Variants in ARID5B observed in about 807,000 individuals in gnomAD.
ARID5B encodes AT-rich interaction domain 5B, also known as AT-rich interactive domain-containing protein 5B.
In ARID5B, 13 loss-of-function variants were observed where a neutral mutation model predicts 97.2. The observed-to-expected ratio is 0.13, with a 90% CI of 0.09 to 0.21. The LOEUF (loss-of-function observed/expected upper bound fraction) is 0.21, where lower values mean the gene tolerates loss of function less well. ARID5B is among the 10% of genes least tolerant of loss of function. The pLI is 1.00. For synonymous variants in ARID5B, 556 were observed against 570.3 expected, an observed-to-expected ratio of 0.97 and a Z score of 0.36; for missense variants, 1,210 against 1,465.3, an observed-to-expected ratio of 0.83 and a Z score of 2.84.
At chr10:61,941,917 A>AAT (rs1844417387) in intron 3 of ARID5B, among the ~76,000 whole-genome samples, 1 of 152,220 alleles carries the variant, frequency 6.6e-6, no homozygotes, top group Non-Finnish European at 1.5e-5. Flanking sequence ...AATGCTGAAT[A>AAT]ATACATCTGT....
chr10:62,008,061 A>AACACACACACACACAC (rs369982502), intron 4 of ARID5B, among the ~76,000 whole-genome samples: 53 of 66,604 alleles, frequency 8.0e-4, no homozygotes, highest in African/African-American at 2.5e-3. Context: ...CCCGCCCCAC[A>AACACACACACACACAC]ACACACACAC....
chr10:61,969,390 C>A (rs974621968), intron 3 of ARID5B, among the ~76,000 whole-genome samples: 1 of 152,066 alleles, frequency 6.6e-6, no homozygotes, highest in African/African-American at 2.4e-5. Context: ...GGAATTGAAC[C>A]TATAATATGC....
intron 7 of ARID5B, 52 bp from the exon 8 acceptor site, chr10:62,069,648 A>G: frequency 1.3e-6 from 2 of 1,501,392 alleles, no homozygotes; most frequent in South Asian, 1.1e-5. Flanking sequence ...GAAGCCTGGC[A>G]CTATGAATCT....
chr10:62,015,263 G>C (rs1275993460), intron 4 of ARID5B, among the ~76,000 whole-genome samples: 1 of 152,078 alleles, frequency 6.6e-6, no homozygotes, highest in Admixed American at 6.6e-5. Context: ...TTATCTCCTC[G>C]ATTTTCACAA....
intron 4 of ARID5B, among the ~76,000 whole-genome samples, chr10:62,042,369 T>C (rs1352547601): frequency 6.6e-6 from 1 of 152,122 alleles, no homozygotes; most frequent in African/African-American, 2.4e-5. Flanking sequence ...GAGAGATGAA[T>C]AGGAGAAAGG....
At chr10:62,057,923 A>T (rs1839877551) in intron 6 of ARID5B, among the ~76,000 whole-genome samples, 1 of 152,188 alleles carries the variant, frequency 6.6e-6, no homozygotes, top group Non-Finnish European at 1.5e-5. Flanking sequence ...ATTCCAAATC[A>T]AAAGAGAAGA....
intron 7 of ARID5B, among the ~76,000 whole-genome samples, chr10:62,061,802 AAAT>A (rs1488009976): frequency 1.3e-5 from 2 of 152,142 alleles, no homozygotes; most frequent in Non-Finnish European, 2.9e-5. Context: ...CCTCATCTCA[AAAT>A]AATCTTTATG....
intron 7 of ARID5B, 143 bp downstream of exon 7, chr10:62,059,438 G>C: frequency 1.6e-6 from 1 of 628,310 alleles, no homozygotes; most frequent in Non-Finnish European, 2.7e-6. Flanking sequence ...TTATTGGGCC[G>C]CTTTGGAAAC....
chr10:61,906,840 T>A (rs1843716710), intron 2 of ARID5B, among the ~76,000 whole-genome samples: 1 of 152,236 alleles, frequency 6.6e-6, no homozygotes, highest in South Asian at 2.1e-4. Context: ...TTCTAAACTC[T>A]CTGTGCCTCC....
chr10:61,951,480 C>T (rs780979514), intron 3 of ARID5B, among the ~76,000 whole-genome samples: 2 of 152,166 alleles, frequency 1.3e-5, no homozygotes, highest in Admixed American at 6.5e-5. Flanking sequence ...ATTGGCATTC[C>T]GCTTAGGATC....
At chr10:62,005,943 C>T (rs550025747) in intron 4 of ARID5B, among the ~76,000 whole-genome samples, 2 of 152,306 alleles carry the variant, frequency 1.3e-5, no homozygotes, top group South Asian at 4.1e-4. Flanking sequence ...TGTCCACATT[C>T]ATACTTTCTC....
At chr10:62,060,502 A>ATATTTATTTT (rs1283529587) in intron 7 of ARID5B, among the ~76,000 whole-genome samples, 1 of 152,200 alleles carries the variant, frequency 6.6e-6, no homozygotes, top group Non-Finnish European at 1.5e-5. Flanking sequence ...TTTACTTGAA[A>ATATTTATTTT]TATTTATTTT....
intron 7 of ARID5B, among the ~76,000 whole-genome samples, chr10:62,066,216 T>C (rs1839986890): frequency 6.6e-6 from 1 of 152,180 alleles, no homozygotes. Context: ...CTGTTCTCTC[T>C]CCTTATTGGG....
chr10:61,909,343 T>TTTTTTTTA (rs869194101), intron 2 of ARID5B, among the ~76,000 whole-genome samples: 3 of 144,300 alleles, frequency 2.1e-5, no homozygotes, highest in African/African-American at 2.7e-5. Context: ...TTTTTTTTTT[T>TTTTTTTTA]GAGACGGAGT....
chr10:61,983,685 C>T (rs1477692134), intron 3 of ARID5B, among the ~76,000 whole-genome samples: 15 of 151,572 alleles, frequency 9.9e-5, no homozygotes, highest in Admixed American at 9.9e-4. Flanking sequence ...TGAGAGAGAT[C>T]TCGGCTGCTG....
intron 7 of ARID5B, among the ~76,000 whole-genome samples, chr10:62,060,990 G>A (rs1839914299): frequency 1.3e-5 from 2 of 152,288 alleles, no homozygotes; most frequent in East Asian, 3.9e-4. Flanking sequence ...GGCATTTGCA[G>A]TACTCTTTGA....
chr10:61,984,262 T>A (rs1301605275), intron 3 of ARID5B, among the ~76,000 whole-genome samples: 2 of 152,146 alleles, frequency 1.3e-5, no homozygotes, highest in Non-Finnish European at 2.9e-5. Flanking sequence ...CAATGGAGGA[T>A]AGGACTGGGA....
At chr10:61,979,274 T>G (rs1319090284) in intron 3 of ARID5B, among the ~76,000 whole-genome samples, 2 of 152,206 alleles carry the variant, frequency 1.3e-5, no homozygotes, top group African/African-American at 4.8e-5. Context: ...TTTGGCATTG[T>G]GGAACAGTTA....
At chr10:62,011,536 G>A (rs1839217728) in intron 4 of ARID5B, among the ~76,000 whole-genome samples, 1 of 152,140 alleles carries the variant, frequency 6.6e-6, no homozygotes. Context: ...TCACCTATAG[G>A]AGCTGAGGAG....
Sources: allele counts gnomAD v4.1 joint callset (sites outside exome capture counted in the v4.1 genomes callset), GRCh38; gene constraint gnomAD v4.1.1; transcripts MANE v1.5; gene names NCBI Gene and HGNC (gene_info 2026-07-23, HGNC 2026-07-21).